The following SEC24B variants were observed in gnomAD, a reference collection of about 807,000 sequenced individuals.
The protein encoded by SEC24B is protein transport protein Sec24B.
SEC24B carries 45 observed loss-of-function variants against 142.8 expected under a neutral mutation model. The observed-to-expected ratio is 0.32, with a 90% CI of 0.25 to 0.40. The LOEUF (loss-of-function observed/expected upper bound fraction) is 0.40. Ranked by LOEUF, SEC24B falls within the 10% of genes least tolerant of loss-of-function variation. SEC24B has a pLI of 1.00. For synonymous variants in SEC24B, 574 were observed against 568.2 expected (o/e 1.01, Z -0.15); for missense variants, 1,409 against 1,526.8 (o/e 0.92, Z 1.29).
chr4:109,527,265 T>C, intron 17 of SEC24B, 57 bp from the exon 18 acceptor site: 1 of 1,155,994 alleles, frequency 8.7e-7, no homozygotes, highest in Non-Finnish European at 1.3e-6. Context: ...ATTTGACATG[T>C]TTGCTTTGCT....
At chr4:109,498,482 A>G (rs536157092) in intron 6 of SEC24B, among the ~76,000 whole-genome samples, 1 of 152,178 alleles carries the variant, frequency 6.6e-6, no homozygotes, top group Non-Finnish European at 1.5e-5. Flanking sequence ...CTCCTGCCTC[A>G]GCCTCTCAAG....
Position 109,531,439 on chromosome 4 carries a change from T to G in SEC24B, c.3307T>G (p.Cys1103Gly). 6.2e-7 allele frequency: 1 copy of G among 1,613,206 alleles called. No individual in the cohort carries two copies. ...GCTGGATGATCGTGTATATGCCATG[T>G]GTCAGATAAAGTCTCAGCCACTTGT... ...TRLDDRVYAM[C>G]QIKSQPLVHL... The change falls in exon 20 of 24, where the codon TGT becomes GGT. Residue 1103 changes from cysteine to glycine, a missense_variant. Transcript: ENST00000265175.
At chr4:109,489,634 T>TATATATAGGATATATTATA (rs1734783679) in intron 4 of SEC24B, among the ~76,000 whole-genome samples, 1 of 143,930 alleles carries the variant, frequency 6.9e-6, no homozygotes, top group African/African-American at 2.6e-5. Context: ...ATATATATGG[T>TATATATAGGATATATTATA]ATATATATGA....
intron 8 of SEC24B, among the ~76,000 whole-genome samples, 168 bp from the exon 9 acceptor site, chr4:109,511,789 G>A (rs1737364347): frequency 6.6e-6 from 1 of 152,162 alleles, no homozygotes; most frequent in East Asian, 1.9e-4. Flanking sequence ...AAAACTTGAT[G>A]GCTACATGTG....
At chr4:109,451,860 G>T (rs115373601) in intron 1 of SEC24B, among the ~76,000 whole-genome samples, 1 of 151,976 alleles carries the variant, frequency 6.6e-6, no homozygotes, top group Non-Finnish European at 1.5e-5. Flanking sequence ...ATTCAGTTAG[G>T]TTATCATACA....
chr4:109,540,138 C>T lies in SEC24B; in HGVS notation c.*463C>T, dbSNP rs1399929442. On this transcript the variant is annotated 3_prime_UTR_variant, in exon 24 of 24. Transcript: ENST00000265175. ...TTTTTAACAAGGAATGTTTCTTATT[C>T]ATTAAATGAATTCAACATTTTCTCT... 6.6e-6 allele frequency: 1 copy of T among 152,484 alleles called. No homozygotes were observed. The highest frequency in any genetic ancestry group is 2.4e-5 in the African/African-American group (1 of 41,432). The allele number at this position is 152,484 out of a possible 1,614,324, so 9.4% of individuals were successfully genotyped here. A position where few individuals can be genotyped will look rare whatever the true frequency, so the allele number is the denominator to read the frequency against.
intron 18 of SEC24B, among the ~76,000 whole-genome samples, chr4:109,529,456 A>G (rs1255240236): frequency 1.3e-5 from 2 of 152,122 alleles, no homozygotes; most frequent in African/African-American, 4.8e-5. Context: ...TCCCTATTTT[A>G]ATAGAATATA....
chr4:109,512,130 T>C lies in SEC24B; in HGVS notation c.1903+47T>C. The C allele has an allele frequency of 1.9e-6, 3 of 1,541,418 alleles. No individual in the cohort carries two copies. The South Asian group carries it at 3.7e-5, about 19-fold the overall frequency. ...GTGTTTTAATCCTATTTTCAGGTTT[T>C]TTTTTTTGAGATTTTTGTCATCTCC... is the stretch of plus-strand genomic sequence containing the variant. On this transcript the variant is annotated intron_variant, in intron 9 of 23. Transcript: ENST00000265175.
intron 13 of SEC24B, 103 bp from the exon 14 acceptor site, chr4:109,521,317 G>C: frequency 9.1e-7 from 1 of 1,100,018 alleles, no homozygotes; most frequent in African/African-American, 1.6e-5. Flanking sequence ...TCAGTTTCCA[G>C]TCCCCAGAAA....
At chr4:109,500,495 A>G (rs1377732523) in intron 6 of SEC24B, among the ~76,000 whole-genome samples, 1 of 151,072 alleles carries the variant, frequency 6.6e-6, no homozygotes. Context: ...AGTGAGCCAA[A>G]ATTGCAGCAG....
chr4:109,449,458 C>T (rs1425684587), intron 1 of SEC24B: 2 of 452,736 alleles, frequency 4.4e-6, no homozygotes, highest in Non-Finnish European at 8.9e-6. Flanking sequence ...TCTTGAACTC[C>T]TGGACCCAAG....
chr4:109,494,193 A>G (rs1735299458), intron 5 of SEC24B, among the ~76,000 whole-genome samples: 1 of 152,036 alleles, frequency 6.6e-6, no homozygotes, highest in Non-Finnish European at 1.5e-5. Flanking sequence ...AGGGGCTCAC[A>G]CCTGTATGCT....
chr4:109,455,946 G>C (rs1338554634), intron 1 of SEC24B, among the ~76,000 whole-genome samples: 1 of 152,046 alleles, frequency 6.6e-6, no homozygotes, highest in African/African-American at 2.4e-5. Flanking sequence ...TATTATGATT[G>C]CATTGAATCT....
At chr4:109,439,092 A>G (rs534898978) in intron 1 of SEC24B, among the ~76,000 whole-genome samples, 1 of 152,350 alleles carries the variant, frequency 6.6e-6, no homozygotes, top group Non-Finnish European at 1.5e-5. Flanking sequence ...AAATGAAAGT[A>G]TATTTTAATC....
chr4:109,522,433 ATCAT>A (rs1475064327), intron 14 of SEC24B, among the ~76,000 whole-genome samples: 1 of 152,218 alleles, frequency 6.6e-6, no homozygotes, highest in Non-Finnish European at 1.5e-5. Context: ...AAATTTAGAA[ATCAT>A]TTAGTCTAAC....
At chr4:109,447,656 GTATA>G (rs1729609487) in intron 1 of SEC24B, among the ~76,000 whole-genome samples, 1 of 148,696 alleles carries the variant, frequency 6.7e-6, no homozygotes, top group African/African-American at 2.6e-5. Flanking sequence ...TAGTATACTA[GTATA>G]TTAAGGCATA....
At chr4:109,533,424 T>C (rs1453996404) in intron 21 of SEC24B, among the ~76,000 whole-genome samples, 169 bp from the exon 22 acceptor site, 1 of 152,214 alleles carries the variant, frequency 6.6e-6, no homozygotes, top group African/African-American at 2.4e-5. Flanking sequence ...TCAAAGACGA[T>C]GTGAACCACT....
chr4:109,513,195 G>C (rs1737554318), intron 9 of SEC24B, among the ~76,000 whole-genome samples: 1 of 150,616 alleles, frequency 6.6e-6, no homozygotes, highest in African/African-American at 2.4e-5. Context: ...GGCTGGTCTC[G>C]AACTCCTGAC....
intron 1 of SEC24B, among the ~76,000 whole-genome samples, chr4:109,447,965 C>G (rs755421193): frequency 6.6e-6 from 1 of 152,218 alleles, no homozygotes; most frequent in Admixed American, 6.5e-5. Flanking sequence ...CCATGGCCCA[C>G]TTTCTCCATG....
Sources: gnomAD v4.1 joint callset for allele counts (sites outside exome capture counted in the v4.1 genomes callset) on GRCh38, gnomAD v4.1.1 for gene constraint, MANE v1.5 for transcripts, NCBI Gene and HGNC (gene_info 2026-07-23, HGNC 2026-07-21) for gene names.